Variants in ATRNL1 observed in about 807,000 individuals in gnomAD.
ATRNL1 encodes attractin like 1.
A neutral mutation model predicts 182.7 loss-of-function variants in ATRNL1; 95 were observed. The observed-to-expected ratio is 0.52, with a 90% CI of 0.44 to 0.62. The LOEUF (loss-of-function observed/expected upper bound fraction) is 0.62, where lower values mean the gene tolerates loss of function less well. Among genes scored for constraint, ATRNL1 ranks in the 20% least tolerant of loss-of-function variants. The pLI is 0.00. For synonymous variants in ATRNL1, 576 were observed against 568.3 expected, an observed-to-expected ratio of 1.01 and a Z score of -0.19; for missense variants, 1,471 against 1,679.5, an observed-to-expected ratio of 0.88 and a Z score of 2.17.
chr10:115,361,256 G>A (rs1856733063), intron 19 of ATRNL1, among the ~76,000 whole-genome samples: 1 of 151,846 alleles, frequency 6.6e-6, no homozygotes, highest in East Asian at 1.9e-4. Context: ...TGATTAGTTG[G>A]CTTTCTACTA....
chr10:115,220,187 A>C (rs1849398055), intron 9 of ATRNL1, among the ~76,000 whole-genome samples: 1 of 152,202 alleles, frequency 6.6e-6, no homozygotes, highest in Admixed American at 6.5e-5. Context: ...TGTCTTCAGC[A>C]ATAGGCAGGA....
intron 19 of ATRNL1, among the ~76,000 whole-genome samples, chr10:115,337,029 T>C (rs955245713): frequency 6.6e-5 from 10 of 151,210 alleles, no homozygotes; most frequent in Non-Finnish European, 1.5e-4. Flanking sequence ...AATTTTTTTT[T>C]TTTTTGTATT....
intron 19 of ATRNL1, among the ~76,000 whole-genome samples, chr10:115,335,133 C>G (rs1855421292): frequency 1.3e-5 from 2 of 152,154 alleles, no homozygotes; most frequent in Admixed American, 1.3e-4. Flanking sequence ...TCTGCCACTT[C>G]TTTCTCCTAC....
chr10:115,721,617 A>C (rs1453062575), intron 26 of ATRNL1, among the ~76,000 whole-genome samples: 1 of 152,120 alleles, frequency 6.6e-6, no homozygotes, highest in Admixed American at 6.5e-5. Context: ...CTTATTCACT[A>C]TCATGAGAAT....
chr10:115,696,870 CGAGAGAGAGAGA>C (rs138252590), intron 26 of ATRNL1, among the ~76,000 whole-genome samples: 1 of 133,956 alleles, frequency 7.5e-6, no homozygotes, highest in Non-Finnish European at 1.6e-5. Flanking sequence ...CATATCAGAG[CGAGAGAGAGAGA>C]GAGAGAGAGA....
intron 28 of ATRNL1, among the ~76,000 whole-genome samples, chr10:115,870,432 A>G (rs1189200249): frequency 2.0e-5 from 3 of 152,246 alleles, no homozygotes; most frequent in African/African-American, 7.2e-5. Context: ...AGCAAAGTAT[A>G]CCAATATGTA....
At chr10:115,574,768 A>G (rs536454519) in intron 26 of ATRNL1, among the ~76,000 whole-genome samples, 50 of 152,182 alleles carry the variant, frequency 3.3e-4, no homozygotes, top group African/African-American at 1.2e-3. Context: ...TTGACTACCA[A>G]TTTCCTACAC....
chr10:115,820,754 A>G (rs1352091993), intron 27 of ATRNL1, among the ~76,000 whole-genome samples: 2 of 152,078 alleles, frequency 1.3e-5, no homozygotes, highest in African/African-American at 4.8e-5. Context: ...TGGCTCTATC[A>G]AAGACTAACT....
At chr10:115,547,918 G>A (rs1852760193) in intron 25 of ATRNL1, among the ~76,000 whole-genome samples, 1 of 152,140 alleles carries the variant, frequency 6.6e-6, no homozygotes, top group African/African-American at 2.4e-5. Context: ...TTGTATGGTT[G>A]GAAAGGTTAG....
intron 27 of ATRNL1, among the ~76,000 whole-genome samples, chr10:115,736,778 A>AT (rs1277991817): frequency 6.6e-6 from 1 of 151,792 alleles, no homozygotes; most frequent in Admixed American, 6.6e-5. Context: ...TTTATTTATT[A>AT]TTTTTTTGAG....
At chr10:115,354,823 A>G (rs1247698908) in intron 19 of ATRNL1, among the ~76,000 whole-genome samples, 5 of 152,068 alleles carry the variant, frequency 3.3e-5, no homozygotes, top group African/African-American at 1.2e-4. Flanking sequence ...AGTGACTCTT[A>G]GATTTTCCCT....
At chr10:115,750,628 GA>G (rs200461893) in intron 27 of ATRNL1, among the ~76,000 whole-genome samples, 11 of 150,110 alleles carry the variant, frequency 7.3e-5, no homozygotes, top group South Asian at 2.1e-4. Flanking sequence ...TGAAAATTTA[GA>G]AAAAAAAACT....
At chr10:115,573,661 T>C (rs1854538950) in intron 26 of ATRNL1, among the ~76,000 whole-genome samples, 1 of 152,134 alleles carries the variant, frequency 6.6e-6, no homozygotes, top group Admixed American at 6.5e-5. Flanking sequence ...TTGGGAATGT[T>C]ACAACTCAGT....
chr10:115,407,859 A>G (rs1365391602), intron 20 of ATRNL1, among the ~76,000 whole-genome samples: 2 of 152,138 alleles, frequency 1.3e-5, no homozygotes, highest in Non-Finnish European at 2.9e-5. Flanking sequence ...AACAATGTAT[A>G]AGAGTTCCTT....
At chr10:115,602,723 C>T (rs1000113316) in intron 26 of ATRNL1, among the ~76,000 whole-genome samples, 2 of 152,032 alleles carry the variant, frequency 1.3e-5, no homozygotes, top group Non-Finnish European at 2.9e-5. Context: ...ATTAGCCGGG[C>T]GTGGTGGCAG....
chr10:115,104,580 T>G (rs573276976), intron 1 of ATRNL1, among the ~76,000 whole-genome samples: 185 of 152,308 alleles, frequency 1.2e-3, no homozygotes, highest in African/African-American at 4.2e-3. Flanking sequence ...TTGCTTTGGT[T>G]GCCTGTACTT....
intron 27 of ATRNL1, 128 bp downstream of exon 27, chr10:115,727,483 T>C: frequency 2.9e-6 from 2 of 696,294 alleles, no homozygotes; most frequent in South Asian, 1.9e-5. Context: ...TTCAGCTACA[T>C]ATGTTATGCC....
chr10:115,774,504 C>T (rs886802748), intron 27 of ATRNL1, among the ~76,000 whole-genome samples: 2 of 150,838 alleles, frequency 1.3e-5, no homozygotes, highest in Non-Finnish European at 2.9e-5. Flanking sequence ...CTCTGAGGGC[C>T]CAGATAATAG....
chr10:115,776,265 A>C (rs530788167), intron 27 of ATRNL1, among the ~76,000 whole-genome samples: 12 of 152,314 alleles, frequency 7.9e-5, no homozygotes, highest in African/African-American at 2.6e-4. Flanking sequence ...TATAAAGCGT[A>C]TGTTAATCTG....
Sources: gnomAD v4.1 joint callset for allele counts (sites outside exome capture counted in the v4.1 genomes callset) on GRCh38, gnomAD v4.1.1 for gene constraint, MANE v1.5 for transcripts, NCBI Gene and HGNC (gene_info 2026-07-23, HGNC 2026-07-21) for gene names.